Variants in TACR1 observed in about 807,000 individuals in gnomAD.
The protein encoded by TACR1 is substance-P receptor.
Under a neutral mutation model 35.8 loss-of-function variants are expected in TACR1, and 25 were observed. That is an observed-to-expected ratio of 0.70 (90% CI 0.51 to 0.98). The LOEUF is 0.98. Ranked by LOEUF, TACR1 falls within the 50% of genes least tolerant of loss-of-function variation. The probability of loss-of-function intolerance (pLI) is 0.00; values close to 1 mark genes in which losing one functional copy is unlikely to be tolerated. For synonymous variants in TACR1, 195 were observed against 206.7 expected, an observed-to-expected ratio of 0.94 and a Z score of 0.48; for missense variants, 478 against 522.9, an observed-to-expected ratio of 0.91 and a Z score of 0.84.
At chr2:75,171,387 C>T (rs540699235) in intron 1 of TACR1, among the ~76,000 whole-genome samples, 1 of 152,234 alleles carries the variant, frequency 6.6e-6, no homozygotes, top group East Asian at 1.9e-4. Flanking sequence ...ATGTCCAGGC[C>T]GAGGTGTGCT....
At chr2:75,133,497 TAAC>T (rs1266399323) in intron 1 of TACR1, among the ~76,000 whole-genome samples, 3 of 152,226 alleles carry the variant, frequency 2.0e-5, no homozygotes, top group Non-Finnish European at 4.4e-5. Context: ...CATCTTTCAC[TAAC>T]TCTTTGAGGC....
intron 1 of TACR1, among the ~76,000 whole-genome samples, chr2:75,143,021 G>A (rs1443754626): frequency 6.6e-6 from 1 of 152,040 alleles, no homozygotes; most frequent in Non-Finnish European, 1.5e-5. Context: ...TTGTAGAGGG[G>A]GTAATATCTG....
chr2:75,151,968 A>T (rs1487131764), intron 1 of TACR1, among the ~76,000 whole-genome samples: 1 of 152,134 alleles, frequency 6.6e-6, no homozygotes, highest in Non-Finnish European at 1.5e-5. Context: ...TGGATTTCAG[A>T]CTTGCATGAG....
chr2:75,118,099 C>G (rs575741065), intron 2 of TACR1, among the ~76,000 whole-genome samples: 49 of 152,282 alleles, frequency 3.2e-4, no homozygotes, highest in Non-Finnish European at 5.3e-4. Flanking sequence ...AAGTTTCCAT[C>G]TGGTTTCAAA....
chr2:75,110,288 G>A (rs1673726294), intron 2 of TACR1, among the ~76,000 whole-genome samples: 5 of 151,504 alleles, frequency 3.3e-5, no homozygotes, highest in African/African-American at 1.2e-4. Flanking sequence ...TTATTTCTTG[G>A]TGATTTTTTT....
chr2:75,162,548 C>A (rs553095167), intron 1 of TACR1, among the ~76,000 whole-genome samples: 1 of 152,290 alleles, frequency 6.6e-6, no homozygotes, highest in South Asian at 2.1e-4. Context: ...GAAGCTCCAG[C>A]TAGAAGTGAA....
At chr2:75,163,060 G>T (rs1353413768) in intron 1 of TACR1, among the ~76,000 whole-genome samples, 1 of 152,202 alleles carries the variant, frequency 6.6e-6, no homozygotes, top group African/African-American at 2.4e-5. Context: ...GGCTAAGGCA[G>T]TTAAGAGCTG....
At chr2:75,095,577 T>G (rs747489973) in intron 2 of TACR1, among the ~76,000 whole-genome samples, 3 of 152,178 alleles carry the variant, frequency 2.0e-5, no homozygotes, top group Admixed American at 6.5e-5. Flanking sequence ...TGGGCACTGT[T>G]GGATGGACTC....
At chr2:75,099,998 C>T (rs975794318) in intron 2 of TACR1, among the ~76,000 whole-genome samples, 2 of 152,164 alleles carry the variant, frequency 1.3e-5, no homozygotes, top group Non-Finnish European at 2.9e-5. Context: ...AAAGCATAAA[C>T]TCAGTGATCC....
chr2:75,056,802 AT>A (rs1463581003), intron 2 of TACR1, among the ~76,000 whole-genome samples: 5 of 152,234 alleles, frequency 3.3e-5, no homozygotes, highest in Admixed American at 2.6e-4. Context: ...AACAAAAAAA[AT>A]GGGCTTAATT....
At chr2:75,188,509 A>G (rs1488890985) in intron 1 of TACR1, 1 of 152,276 alleles carries the variant, frequency 6.6e-6, no homozygotes, top group African/African-American at 2.4e-5. Context: ...GTGGCTGCTC[A>G]TCAGTCCATC....
chr2:75,112,043 A>G (rs1348349677), intron 2 of TACR1, among the ~76,000 whole-genome samples: 1 of 152,074 alleles, frequency 6.6e-6, no homozygotes, highest in Non-Finnish European at 1.5e-5. Flanking sequence ...AGAGTAATCT[A>G]CAAACTCATT....
At chr2:75,192,504 G>T (rs1572993854) in intron 1 of TACR1, among the ~76,000 whole-genome samples, 1 of 152,298 alleles carries the variant, frequency 6.6e-6, no homozygotes, top group African/African-American at 2.4e-5. Context: ...GCCCTGTTTG[G>T]AAAGTTGAGG....
At chr2:75,149,909 G>T (rs1488849135) in intron 1 of TACR1, among the ~76,000 whole-genome samples, 1 of 152,256 alleles carries the variant, frequency 6.6e-6, no homozygotes, top group Middle Eastern at 3.4e-3. Context: ...TTTGAGATAT[G>T]TTCCGTCAAT....
intron 1 of TACR1, among the ~76,000 whole-genome samples, chr2:75,178,566 C>T (rs1475830843): frequency 6.6e-6 from 1 of 152,074 alleles, no homozygotes; most frequent in Admixed American, 6.6e-5. Context: ...AAATCAATGA[C>T]CTTTCTACCT....
intron 1 of TACR1, among the ~76,000 whole-genome samples, chr2:75,158,500 T>TC (rs1674919789): frequency 6.6e-6 from 1 of 152,168 alleles, no homozygotes; most frequent in East Asian, 1.9e-4. Context: ...GGAAGAGTGC[T>TC]CTATCGCAGG....
chr2:75,055,587 A>G (rs545998857), intron 2 of TACR1, among the ~76,000 whole-genome samples: 1 of 152,356 alleles, frequency 6.6e-6, no homozygotes, highest in Admixed American at 6.5e-5. Flanking sequence ...CTCCTACCTG[A>G]AAGAACAGCC....
At chr2:75,162,317 A>G (rs959885870) in intron 1 of TACR1, among the ~76,000 whole-genome samples, 3 of 152,210 alleles carry the variant, frequency 2.0e-5, no homozygotes, top group Non-Finnish European at 4.4e-5. Context: ...TACCCCACCT[A>G]AATATTTCTT....
chr2:75,142,836 TG>T (rs1332767172), intron 1 of TACR1, among the ~76,000 whole-genome samples: 1 of 152,194 alleles, frequency 6.6e-6, no homozygotes, highest in Non-Finnish European at 1.5e-5. Flanking sequence ...GCTCTACCCA[TG>T]GCCTAATGAA....
Sources: allele counts gnomAD v4.1 joint callset (sites outside exome capture counted in the v4.1 genomes callset), GRCh38; gene constraint gnomAD v4.1.1; transcripts MANE v1.5; gene names NCBI Gene and HGNC (gene_info 2026-07-23, HGNC 2026-07-21).